Variants in TENM1 observed in about 807,000 individuals in gnomAD.
TENM1 encodes the protein teneurin-1.
A neutral mutation model predicts 174.8 loss-of-function variants in TENM1; 35 were observed. That is an observed-to-expected ratio of 0.20 (90% CI 0.15 to 0.27). The LOEUF (loss-of-function observed/expected upper bound fraction) is 0.27, where lower values mean the gene tolerates loss of function less well. TENM1 is among the 10% of genes least tolerant of loss of function. The pLI, the probability that TENM1 is intolerant of heterozygous loss-of-function variation, is 1.00. For synonymous variants in TENM1, 781 were observed against 798.7 expected (o/e 0.98, Z 0.37); for missense variants, 1,633 against 2,130.1 (o/e 0.77, Z 4.59).
At chrX:125,028,192 GAA>G in the TENM1 span, among the ~76,000 whole-genome samples, 1 of 111,558 alleles carries the variant, frequency 9.0e-6, no homozygotes, top group African/African-American at 3.3e-5. Flanking sequence ...TAAATTCTGG[GAA>G]AAGTCTAAAT....
intron 14 of TENM1, among the ~76,000 whole-genome samples, chrX:124,547,423 CTCAG>C (rs1410388724): frequency 2.7e-5 from 3 of 111,944 alleles, no homozygotes; most frequent in Non-Finnish European, 5.6e-5. Flanking sequence ...TTTCTTCTTC[CTCAG>C]TGAGACCATT....
At chrX:124,741,779 T>C (rs1188718999) in intron 3 of TENM1, among the ~76,000 whole-genome samples, 1 of 111,993 alleles carries the variant, frequency 8.9e-6, no homozygotes, top group South Asian at 3.7e-4. Flanking sequence ...AAATAGCTGA[T>C]GGATATTGCA....
chrX:124,903,105 A>G (rs1403657889), intron 1 of TENM1, among the ~76,000 whole-genome samples: 1 of 111,792 alleles, frequency 8.9e-6, no homozygotes, highest in African/African-American at 3.3e-5. Context: ...TAAAATAACT[A>G]AGCTTCCTGG....
At chrX:124,533,550 C>A (rs2148078656) in intron 15 of TENM1, among the ~76,000 whole-genome samples, 1 of 111,397 alleles carries the variant, frequency 9.0e-6, no homozygotes, top group African/African-American at 3.3e-5. Context: ...ATTAGTCAGC[C>A]CTACTTGGCC....
chrX:124,933,408 A>C (rs1287057019), intron 1 of TENM1, among the ~76,000 whole-genome samples: 1 of 112,318 alleles, frequency 8.9e-6, no homozygotes, highest in Non-Finnish European at 1.9e-5. Flanking sequence ...AGTATAAATA[A>C]ATCCAAAGAT....
At chrX:125,130,051 T>C in the TENM1 span, among the ~76,000 whole-genome samples, 1 of 111,686 alleles carries the variant, frequency 9.0e-6, no homozygotes, top group Non-Finnish European at 1.9e-5. Flanking sequence ...TGAATAGAAT[T>C]TTACATTTCC....
At chrX:124,542,706 G>C (rs1257279608) in intron 15 of TENM1, among the ~76,000 whole-genome samples, 1 of 111,121 alleles carries the variant, frequency 9.0e-6, no homozygotes, top group East Asian at 2.8e-4. Flanking sequence ...GGGATTATCT[G>C]ATATAATGGG....
At chrX:124,731,242 C>T (rs771180390) in intron 4 of TENM1, among the ~76,000 whole-genome samples, 13 of 111,310 alleles carry the variant, frequency 1.2e-4, no homozygotes, top group Non-Finnish European at 2.3e-4. Flanking sequence ...GACATGCAAC[C>T]CATGAAATTG....
At chrX:124,624,106 C>T (rs2050583602) in intron 11 of TENM1, among the ~76,000 whole-genome samples, 1 of 111,799 alleles carries the variant, frequency 8.9e-6, no homozygotes, top group Non-Finnish European at 1.9e-5. Context: ...AGTGTTAGTA[C>T]CAGTTTTCAG....
chrX:125,059,828 G>A, the TENM1 span, among the ~76,000 whole-genome samples: 1 of 111,014 alleles, frequency 9.0e-6, no homozygotes, highest in Non-Finnish European at 1.9e-5. Context: ...ATGTGAATAG[G>A]CCTGGAGGAC....
rs184371639 is a variant in TENM1, at chrX:124,817,811, C to A, written c.535+76485G>T. On this transcript the variant is annotated intron_variant, in intron 3 of 31. Coordinates refer to ENST00000422452, the Ensembl canonical transcript of TENM1. ...TAAAGCTTCAACAACATAATCCCAC[C>A]CATACCCCCAGGAAAGAAGAAAAGA... is the stretch of plus-strand genomic sequence containing the variant. Among the ~76,000 whole-genome samples the A allele has an allele frequency of 5.4e-5, 6 of 111,657 alleles. No individual in the cohort carries two copies. The East Asian group carries it at 1.7e-3, about 31-fold the overall frequency.
At position 124,397,817 on chromosome X, in the gene TENM1, T is replaced by C. The variant is rs185351132; in HGVS notation, c.5392-5469A>G. On this transcript the variant is annotated intron_variant, in intron 27 of 31. Transcript: ENST00000422452. ...TTCACCATGTTGGCCAGCCTGGTCTTGAAGTGACCCAGTGATCCACCCGCC... is the reference window on the plus strand; with the variant it reads ...TTCACCATGTTGGCCAGCCTGGTCTCGAAGTGACCCAGTGATCCACCCGCC... Among the ~76,000 whole-genome samples the C allele has an allele frequency of 3.1e-3, 335 of 108,763 alleles. 2 individuals are homozygous for C. Among genetic ancestry groups the C allele is most frequent in the African/African-American group, 0.011 (320 of 30,045 alleles). The allele number at this position is 108,763 out of a possible 115,157, so 94.4% of individuals were successfully genotyped here.
intron 20 of TENM1, 92 bp downstream of exon 23, chrX:124,496,924 T>G: frequency 1.0e-6 from 1 of 989,597 alleles, no homozygotes; most frequent in Admixed American, 2.5e-5. Context: ...AACTACATTT[T>G]CTGCTTCTAC....
At chrX:125,050,948 C>A in the TENM1 span, among the ~76,000 whole-genome samples, 1 of 111,650 alleles carries the variant, frequency 9.0e-6, no homozygotes, top group South Asian at 3.7e-4. Flanking sequence ...TTTAGAAAAC[C>A]CCATCGTCTC....
chrX:124,662,432 C>G (rs1351921316), intron 6 of TENM1, among the ~76,000 whole-genome samples: 1 of 93,615 alleles, frequency 1.1e-5, no homozygotes, highest in Non-Finnish European at 2.0e-5. Context: ...GCAGCCTGGA[C>G]GACAGGGCGA....
intron 3 of TENM1, among the ~76,000 whole-genome samples, chrX:124,850,200 A>G (rs1370856251): frequency 8.9e-6 from 1 of 111,822 alleles, no homozygotes; most frequent in Non-Finnish European, 1.9e-5. Context: ...AATATAGTAG[A>G]TCTAATTCTA....
chrX:124,778,900 A>C (rs749372919), intron 3 of TENM1, among the ~76,000 whole-genome samples: 1 of 112,024 alleles, frequency 8.9e-6, no homozygotes, highest in South Asian at 3.7e-4. Context: ...TATATTTTTA[A>C]TTAGCTGCCA....
chrX:124,474,704 C>A (rs2061369173), intron 22 of TENM1, among the ~76,000 whole-genome samples: 2 of 111,815 alleles, frequency 1.8e-5, no homozygotes, highest in Admixed American at 9.5e-5. Flanking sequence ...GCCGGAAGGT[C>A]CTCAAGTTCC....
exon 28 of TENM1, chrX:124,392,196 C>T (rs752622124): frequency 1.2e-5 from 15 of 1,209,661 alleles, no homozygotes. Context: ...ATGTGATGTT[C>T]ACTTCATTAT....
Sources: gnomAD v4.1 joint callset for allele counts (sites outside exome capture counted in the v4.1 genomes callset) on GRCh38, gnomAD v4.1.1 for gene constraint, MANE v1.5 for transcripts, NCBI Gene and HGNC (gene_info 2026-07-23, HGNC 2026-07-21) for gene names.